Variants in NCMAP observed in about 807,000 individuals in gnomAD.
The protein encoded by NCMAP is noncompact myelin-associated protein.
NCMAP carries 8 observed loss-of-function variants against 7.8 expected under a neutral mutation model. That is an observed-to-expected ratio of 1.02 (90% CI 0.60 to 1.84). The LOEUF (loss-of-function observed/expected upper bound fraction) is 1.84. NCMAP is among the 40% of genes most tolerant of loss of function. NCMAP has a pLI of 0.00. For missense variants in NCMAP, 112 were observed against 131.4 expected (o/e 0.85, Z 0.72); for synonymous variants, 41 against 52.9 (o/e 0.78, Z 0.98).
intron 1 of NCMAP, among the ~76,000 whole-genome samples, chr1:24,565,608 GTGTGTGTT>G (rs1216821339): frequency 3.4e-5 from 4 of 118,428 alleles, no homozygotes; most frequent in Admixed American, 9.1e-5. Flanking sequence ...GTGTGTGTGT[GTGTGTGTT>G]TTGAGACAGT....
chr1:24,558,664 G>A (rs1405044993), intron 1 of NCMAP, among the ~76,000 whole-genome samples: 4 of 152,146 alleles, frequency 2.6e-5, no homozygotes, highest in Admixed American at 6.5e-5. Context: ...GGGACACAGG[G>A]TCATAGTGTG....
Position 24,606,782 on chromosome 1 carries a change from C to A in NCMAP, c.*1035C>A, listed in dbSNP as rs1652745997. 6.6e-6 allele frequency: 1 copy of A among 152,160 alleles called. No homozygotes were observed. Among genetic ancestry groups the A allele is most frequent in the Non-Finnish European group, 1.5e-5 (1 of 68,034 alleles). The allele number at this position is 152,160 out of a possible 1,614,324, so 9.4% of individuals were successfully genotyped here. A position where few individuals can be genotyped will look rare whatever the true frequency, so the allele number is the denominator to read the frequency against. The stretch of plus-strand genomic sequence containing the variant: ...ATCTGGAATTAAGAAGTCCTACCAT[C>A]CAAGCCCTACTTCCTGGTTGTGTGG... On this transcript the variant is annotated 3_prime_UTR_variant, in exon 4 of 4. Coordinates refer to ENST00000374392, the MANE Select transcript of NCMAP (RefSeq NM_001010980.5).
intron 1 of NCMAP, among the ~76,000 whole-genome samples, chr1:24,586,971 G>A (rs1651900260): frequency 6.6e-6 from 1 of 152,170 alleles, no homozygotes; most frequent in South Asian, 2.1e-4. Context: ...TATAGGACAT[G>A]CTTCATCTCA....
intron 1 of NCMAP, chr1:24,563,903 A>C (rs769223452): frequency 6.6e-6 from 1 of 152,236 alleles, no homozygotes; most frequent in Non-Finnish European, 1.5e-5. Context: ...GCCAAAAGCT[A>C]AATCTCACCA....
At chr1:24,571,042 G>A (rs1430780558) in intron 1 of NCMAP, among the ~76,000 whole-genome samples, 1 of 150,684 alleles carries the variant, frequency 6.6e-6, no homozygotes, top group Non-Finnish European at 1.5e-5. Context: ...GCTTCACAAC[G>A]AGGGACATTG....
chr1:24,571,208 G>A (rs996379513), intron 1 of NCMAP, among the ~76,000 whole-genome samples: 1 of 150,794 alleles, frequency 6.6e-6, no homozygotes, highest in African/African-American at 2.5e-5. Flanking sequence ...TGGGCACGGT[G>A]GCTCATGCCT....
intron 1 of NCMAP, among the ~76,000 whole-genome samples, chr1:24,575,983 C>T (rs564445526): frequency 4.0e-5 from 6 of 151,710 alleles, no homozygotes; most frequent in African/African-American, 1.5e-4. Flanking sequence ...AGCGCCTTGC[C>T]CACAGTAACT....
chr1:24,578,797 C>T (rs1388152234), intron 1 of NCMAP, among the ~76,000 whole-genome samples: 6 of 151,880 alleles, frequency 4.0e-5, no homozygotes, highest in Non-Finnish European at 8.8e-5. Context: ...AAGCTCCTGG[C>T]CTCAAGCAAT....
chr1:24,598,208 C>A (rs1048785814), intron 2 of NCMAP, among the ~76,000 whole-genome samples: 1 of 152,176 alleles, frequency 6.6e-6, no homozygotes, highest in African/African-American at 2.4e-5. Flanking sequence ...AATATTTGCA[C>A]ACGGTTGTTT....
chr1:24,574,848 T>C (rs1651499591), intron 1 of NCMAP, among the ~76,000 whole-genome samples: 1 of 143,704 alleles, frequency 7.0e-6, no homozygotes, highest in Non-Finnish European at 1.5e-5. Context: ...CAGTCTGGAG[T>C]GCAATGGCAT....
At chr1:24,594,541 C>G (rs989854948) in intron 1 of NCMAP, among the ~76,000 whole-genome samples, 1 of 152,124 alleles carries the variant, frequency 6.6e-6, no homozygotes, top group African/African-American at 2.4e-5. Context: ...TGAGACAGAG[C>G]CTGGTACATG....
At chr1:24,586,134 T>G (rs1283848264) in intron 1 of NCMAP, among the ~76,000 whole-genome samples, 1 of 152,180 alleles carries the variant, frequency 6.6e-6, no homozygotes, top group East Asian at 1.9e-4. Flanking sequence ...GTTTTACAAA[T>G]GAAAGAGCGG....
At chr1:24,581,852 A>G (rs1651757108) in intron 1 of NCMAP, among the ~76,000 whole-genome samples, 1 of 152,208 alleles carries the variant, frequency 6.6e-6, no homozygotes, top group African/African-American at 2.4e-5. Flanking sequence ...GAGATTGGTT[A>G]TGAGTTAACT....
At chr1:24,603,386 AT>A (rs1243429217) in intron 3 of NCMAP, among the ~76,000 whole-genome samples, 1 of 152,168 alleles carries the variant, frequency 6.6e-6, no homozygotes, top group African/African-American at 2.4e-5. Context: ...AAAATTTAGG[AT>A]ATTACAATTT....
At chr1:24,578,980 T>A (rs968254248) in intron 1 of NCMAP, among the ~76,000 whole-genome samples, 1 of 152,152 alleles carries the variant, frequency 6.6e-6, no homozygotes, top group Non-Finnish European at 1.5e-5. Flanking sequence ...TTTCATTTTT[T>A]CTTTGGCTGA....
chr1:24,605,692 A>G lies in NCMAP; in HGVS notation c.254A>G (p.Gln85Arg). 3 of 1,614,136 alleles carry G rather than the reference A, an allele frequency of 1.9e-6. No individual in the cohort carries two copies. The highest frequency in any genetic ancestry group is 2.5e-6 in the Non-Finnish European group (3 of 1,180,022). The part of the protein sequence containing the change: ...SAVGPNSNGS[Q>R]HPATVTFSPV... ...GTGGGCCCAAACAGCAACGGCAGCC[A>G]ACACCCAGCAACTGTGACCTTCAGT... Residue 85 changes from glutamine to arginine, a missense_variant, in exon 4 of 4, where the codon CAA (glutamine) becomes CGA (arginine). Physicochemically the swap from Gln to Arg is conservative, Grantham distance 43. Transcript: ENST00000374392.
intron 1 of NCMAP, among the ~76,000 whole-genome samples, chr1:24,588,632 G>C (rs989238165): frequency 1.3e-5 from 2 of 152,232 alleles, no homozygotes; most frequent in African/African-American, 4.8e-5. Flanking sequence ...GCTAGTCAGA[G>C]AAGGATGGAT....
chr1:24,572,740 C>T (rs1240161789), intron 1 of NCMAP, among the ~76,000 whole-genome samples: 1 of 150,670 alleles, frequency 6.6e-6, no homozygotes, highest in African/African-American at 2.5e-5. Flanking sequence ...TTTCCTGGAC[C>T]CCCAGCTCAC....
At chr1:24,556,899 G>A (rs1650912665) in intron 1 of NCMAP, among the ~76,000 whole-genome samples, 1 of 152,108 alleles carries the variant, frequency 6.6e-6, no homozygotes, top group Admixed American at 6.5e-5. Flanking sequence ...GGTGGTTAGG[G>A]CAGCGCTTTG....
Sources: gnomAD v4.1 joint callset for allele counts (sites outside exome capture counted in the v4.1 genomes callset) on GRCh38, gnomAD v4.1.1 for gene constraint, MANE v1.5 for transcripts, NCBI Gene and HGNC (gene_info 2026-07-23, HGNC 2026-07-21) for gene names.